The following CSMD3 variants were observed in gnomAD, a reference collection of about 807,000 sequenced individuals.
CSMD3 encodes the protein CUB and sushi domain-containing protein 3.
A neutral mutation model predicts 435.2 loss-of-function variants in CSMD3; 177 were observed. The observed-to-expected ratio is 0.41, with a 90% CI of 0.36 to 0.46. The LOEUF (loss-of-function observed/expected upper bound fraction) is 0.46. CSMD3 is among the 20% of genes least tolerant of loss of function. CSMD3 has a pLI of 0.34. For synonymous variants in CSMD3, 1,656 were observed against 1,520.5 expected (o/e 1.09, Z -2.07); for missense variants, 4,265 against 4,504.6 (o/e 0.95, Z 1.52).
At chr8:112,321,394 C>T (rs1319658066) in intron 45 of CSMD3, among the ~76,000 whole-genome samples, 1 of 152,064 alleles carries the variant, frequency 6.6e-6, no homozygotes, top group African/African-American at 2.4e-5. Flanking sequence ...ACTAGACCAG[C>T]TCAGGAAGAC....
chr8:112,550,673 G>T lies in CSMD3; in HGVS notation c.4562C>A (p.Ser1521Ter). ...ISKSGFAIQF[S>*]SSVATACRDP... ...AGAAATTTTTTGAAAAAACTTACTTGAAAACTGAATTGCAAATCCAGATTT... is the reference window on the plus strand; with the variant it reads ...AGAAATTTTTTGAAAAAACTTACTTTAAAACTGAATTGCAAATCCAGATTT... Residue 1521 changes from serine to a stop codon, truncating the protein, a stop_gained and splice_region_variant, in exon 27 of 71, where the codon TCA (serine) becomes TAA (stop). Coordinates refer to ENST00000297405, the MANE Select transcript of CSMD3 (RefSeq NM_198123.2). LOFTEE classifies it high-confidence loss of function. 6.3e-7 allele frequency: 1 copy of T among 1,580,070 alleles called. No homozygotes were observed. The highest frequency in any genetic ancestry group is 8.7e-7 in the Non-Finnish European group (1 of 1,150,096).
intron 6 of CSMD3, among the ~76,000 whole-genome samples, chr8:112,981,087 T>C (rs899192645): frequency 7.9e-5 from 12 of 151,656 alleles, no homozygotes; most frequent in African/African-American, 1.2e-4. Flanking sequence ...ATTGATCTTA[T>C]AAAATTTGAT....
chr8:112,758,556 A>C (rs2077759432), intron 13 of CSMD3, among the ~76,000 whole-genome samples: 1 of 152,142 alleles, frequency 6.6e-6, no homozygotes, highest in Non-Finnish European at 1.5e-5. Context: ...CATATATTTT[A>C]AGTAACTACT....
intron 22 of CSMD3, among the ~76,000 whole-genome samples, chr8:112,599,876 G>A (rs1255481221): frequency 1.6e-5 from 1 of 62,204 alleles, no homozygotes; most frequent in African/African-American, 7.5e-5. Context: ...TGGTGGGGTG[G>A]GGGGAGGGGG....
chr8:112,385,477 T>G (rs1829853778), intron 36 of CSMD3, among the ~76,000 whole-genome samples: 1 of 152,192 alleles, frequency 6.6e-6, no homozygotes, highest in Admixed American at 6.5e-5. Flanking sequence ...CCAATGAAGG[T>G]TTCAGAAGTC....
At chr8:112,329,827 C>G (rs2130917508) in intron 45 of CSMD3, among the ~76,000 whole-genome samples, 1 of 152,206 alleles carries the variant, frequency 6.6e-6, no homozygotes, top group African/African-American at 2.4e-5. Context: ...TCATTTAAGT[C>G]ATTTAACTAA....
intron 32 of CSMD3, among the ~76,000 whole-genome samples, chr8:112,449,508 C>T (rs1816017860): frequency 2.0e-5 from 3 of 152,070 alleles, no homozygotes; most frequent in Admixed American, 6.6e-5. Context: ...AGAGAATATG[C>T]GCCGAGTGCT....
intron 53 of CSMD3, among the ~76,000 whole-genome samples, chr8:112,296,962 C>A (rs1820352947): frequency 6.6e-6 from 1 of 151,496 alleles, no homozygotes; most frequent in African/African-American, 2.4e-5. Context: ...AGCTTTATGC[C>A]AATACATTTT....
intron 1 of CSMD3, among the ~76,000 whole-genome samples, chr8:113,425,533 T>C (rs2094631361): frequency 1.3e-5 from 2 of 151,488 alleles, no homozygotes; most frequent in Middle Eastern, 6.8e-3. Flanking sequence ...ATTGGCAATA[T>C]ATAAAAAATA....
At chr8:112,690,138 T>C in intron 13 of CSMD3, 88 bp from the exon 14 acceptor site, 1 of 968,064 alleles carries the variant, frequency 1.0e-6, no homozygotes, top group African/African-American at 1.6e-5. Context: ...ATGCTCTTTG[T>C]TGTGGAGATA....
At chr8:112,228,171 C>A (rs1056157267) in intron 70 of CSMD3, among the ~76,000 whole-genome samples, 4 of 152,044 alleles carry the variant, frequency 2.6e-5, no homozygotes, top group African/African-American at 9.7e-5. Flanking sequence ...AAAGCACTCA[C>A]CAGGATTTGT....
Position 112,516,256 on chromosome 8 carries a change from G to C in CSMD3, c.4756+778C>G, listed in dbSNP as rs147813104. On this transcript the variant is annotated intron_variant, in intron 28 of 70. Coordinates refer to ENST00000297405, the MANE Select transcript of CSMD3 (RefSeq NM_198123.2). The stretch of plus-strand genomic sequence containing the variant: ...CCAAGTTGCTTACAGTGTGGTAAGA[G>C]AGAGTATGTAAATAAATAAAATTTT... Among the ~76,000 whole-genome samples the C allele has an allele frequency of 2.4e-3, 362 of 152,204 alleles. 2 individuals are homozygous for C. The highest frequency in any genetic ancestry group is 8.4e-3 in the African/African-American group (350 of 41,564).
At chr8:112,327,395 C>A (rs1823610306) in intron 45 of CSMD3, among the ~76,000 whole-genome samples, 1 of 152,020 alleles carries the variant, frequency 6.6e-6, no homozygotes, top group Admixed American at 6.6e-5. Context: ...GGAAGATGAC[C>A]TAAATAAGTG....
rs2078929293 is a variant in CSMD3 at position 112,800,242 on chromosome 8, A to T, written c.1892T>A (p.Val631Glu). ...LTGSFVPDLI[V>E]SMSSQMWLHL... ...CAGCCACATTTGGCTACTCATGCTC[A>T]CTATCAAGTCTGGTACAAAGCTTCC... Residue 631 changes from valine to glutamate, a missense_variant, in exon 13 of 71, where the codon GTG (valine) becomes GAG (glutamate). By Grantham distance (121) the Val-to-Glu change is moderately radical (BLOSUM62 -2). Transcript: ENST00000297405. 1 of 1,612,816 alleles carries T rather than the reference A, an allele frequency of 6.2e-7. No individual in the cohort carries two copies.
intron 3 of CSMD3, among the ~76,000 whole-genome samples, chr8:113,270,232 G>C (rs2132411121): frequency 6.6e-6 from 1 of 151,196 alleles, no homozygotes; most frequent in Middle Eastern, 3.4e-3. Context: ...CTGGCCATCA[G>C]AGAAATGCAA....
intron 7 of CSMD3, among the ~76,000 whole-genome samples, chr8:112,957,639 CGGA>C (rs1359823000): frequency 6.6e-6 from 1 of 152,018 alleles, no homozygotes; most frequent in Non-Finnish European, 1.5e-5. Flanking sequence ...ATAATAGAGA[CGGA>C]GTTTAGCCGT....
intron 59 of CSMD3, among the ~76,000 whole-genome samples, chr8:112,275,102 G>T: frequency 6.6e-6 from 1 of 151,722 alleles, no homozygotes; most frequent in East Asian, 2.0e-4. Flanking sequence ...CAGCAGGGAA[G>T]TTCAAACCAT....
intron 4 of CSMD3, among the ~76,000 whole-genome samples, chr8:113,144,076 GTTAT>G (rs963370347): frequency 2.0e-5 from 3 of 149,862 alleles, no homozygotes; most frequent in Non-Finnish European, 3.0e-5. Flanking sequence ...GGTTAAAAGG[GTTAT>G]TTATAGTTAT....
At chr8:112,289,999 G>C (rs1335691920) in intron 56 of CSMD3, among the ~76,000 whole-genome samples, 1 of 151,964 alleles carries the variant, frequency 6.6e-6, no homozygotes, top group Non-Finnish European at 1.5e-5. Flanking sequence ...AAGAACTTGA[G>C]GGTTCAAGAG....
Sources: allele counts gnomAD v4.1 joint callset (sites outside exome capture counted in the v4.1 genomes callset), GRCh38; gene constraint gnomAD v4.1.1; transcripts MANE v1.5; gene names NCBI Gene and HGNC (gene_info 2026-07-23, HGNC 2026-07-21).